SIPA1L3: variants seen among roughly 807,000 people sequenced by gnomAD.
SIPA1L3 encodes signal-induced proliferation-associated 1-like protein 3.
A neutral mutation model predicts 150.1 loss-of-function variants in SIPA1L3; 59 were observed. That is an observed-to-expected ratio of 0.39 (90% CI 0.32 to 0.49). The LOEUF is 0.49. Among genes scored for constraint, SIPA1L3 ranks in the 20% least tolerant of loss-of-function variants. The probability of loss-of-function intolerance (pLI) is 0.86; values close to 1 mark genes in which losing one functional copy is unlikely to be tolerated. For synonymous variants in SIPA1L3, 1,070 were observed against 1,077.6 expected, an observed-to-expected ratio of 0.99 and a Z score of 0.14; for missense variants, 2,211 against 2,489.5, an observed-to-expected ratio of 0.89 and a Z score of 2.38.
chr19:38,176,678 A>G (rs1972441313), intron 15 of SIPA1L3, among the ~76,000 whole-genome samples: 1 of 152,136 alleles, frequency 6.6e-6, no homozygotes, highest in Non-Finnish European at 1.5e-5. Flanking sequence ...GTTCTTTCAA[A>G]CATACCACTT....
Position 38,201,950 on chromosome 19 carries a change from G to A in SIPA1L3, c.5073G>A (p.Leu1691=). The stretch of plus-strand genomic sequence containing the variant: ...CACACAGTCCTGTCCACAGCCACCT[G>A]AGCCTGGAGAGGGGACCCCCGACCC... ...PPAHSPVHSH[L]SLERGPPTPR... The change falls in exon 20 of 22, where the codon CTG becomes CTA. Residue 1691 remains leucine, a synonymous_variant. Coordinates refer to ENST00000222345, the MANE Select transcript of SIPA1L3 (RefSeq NM_015073.3). 6.2e-7 allele frequency: 1 copy of A among 1,613,768 alleles called. No homozygotes were observed. Among genetic ancestry groups the A allele is most frequent in the Non-Finnish European group, 8.5e-7 (1 of 1,179,904 alleles).
chr19:37,961,530 CA>C (rs2046858255), intron 1 of SIPA1L3, among the ~76,000 whole-genome samples: 1 of 152,154 alleles, frequency 6.6e-6, no homozygotes, highest in South Asian at 2.1e-4. Context: ...TGTCTTTCAA[CA>C]ATTTGACTAT....
At chr19:37,971,575 T>C (rs1966938403) in intron 1 of SIPA1L3, among the ~76,000 whole-genome samples, 1 of 151,802 alleles carries the variant, frequency 6.6e-6, no homozygotes, top group African/African-American at 2.4e-5. Context: ...TTGGGGTTTT[T>C]TTTTTGCAGA....
intron 1 of SIPA1L3, among the ~76,000 whole-genome samples, chr19:37,981,497 T>C (rs1404227056): frequency 6.6e-6 from 1 of 152,076 alleles, no homozygotes; most frequent in East Asian, 1.9e-4. Flanking sequence ...CTTGTCCGTG[T>C]TGAGCAGGTT....
chr19:38,047,230 ACACG>A lies in SIPA1L3; in HGVS notation c.-311+18082_-311+18085del, dbSNP rs1297975898. Among the ~76,000 whole-genome samples, 2 of 152,002 alleles carry A rather than the reference ACACG, an allele frequency of 1.3e-5. No individual in the cohort carries two copies. The highest frequency in any genetic ancestry group is 4.8e-5 in the African/African-American group (2 of 41,350). ...CCAGCCTGTTCTCCCCCGCCGACACACACGCACGCACACACGCACGCACTCACAC... is the reference window on the plus strand; with the variant it reads ...CCAGCCTGTTCTCCCCCGCCGACACACACGCACACACGCACGCACTCACAC... On this transcript the variant is annotated intron_variant, in intron 2 of 21. Coordinates refer to ENST00000222345, the MANE Select transcript of SIPA1L3 (RefSeq NM_015073.3). The surrounding 1 kb of genome is among the most constrained non-coding windows in gnomAD (Gnocchi z 4.7).
chr19:37,977,172 AT>A (rs971521166), intron 1 of SIPA1L3, among the ~76,000 whole-genome samples: 1 of 151,376 alleles, frequency 6.6e-6, no homozygotes, highest in Non-Finnish European at 1.5e-5. Context: ...ATTAAAAAAA[AT>A]TTTTTTTATG....
intron 10 of SIPA1L3, among the ~76,000 whole-genome samples, chr19:38,137,756 G>A (rs1296380353): frequency 6.6e-6 from 1 of 152,126 alleles, no homozygotes; most frequent in African/African-American, 2.4e-5. Context: ...TGAGTTGTGT[G>A]AGTAGCTGGG....
At chr19:38,197,714 A>G (rs1972992773) in intron 18 of SIPA1L3, among the ~76,000 whole-genome samples, 2 of 151,406 alleles carry the variant, frequency 1.3e-5, no homozygotes, top group African/African-American at 2.4e-5. Context: ...TTTCACAGCC[A>G]TATCCAACCC....
intron 15 of SIPA1L3, among the ~76,000 whole-genome samples, chr19:38,168,785 G>A (rs1276637118): frequency 6.6e-6 from 1 of 152,218 alleles, no homozygotes; most frequent in Non-Finnish European, 1.5e-5. Context: ...CGCTGCAGAA[G>A]AGGGCCCTGC....
At chr19:38,152,133 A>G (rs887769149) in intron 12 of SIPA1L3, among the ~76,000 whole-genome samples, 1 of 152,086 alleles carries the variant, frequency 6.6e-6, no homozygotes, top group Non-Finnish European at 1.5e-5. Flanking sequence ...CCCCAACTCT[A>G]TGAGGTAGAA....
intron 1 of SIPA1L3, among the ~76,000 whole-genome samples, chr19:38,022,891 C>G (rs1968408949): frequency 1.3e-5 from 2 of 152,206 alleles, no homozygotes; most frequent in Non-Finnish European, 1.5e-5. Context: ...AAGTTTGTCA[C>G]TGAGGTTACC....
At chr19:37,984,522 A>C (rs1967295691) in intron 1 of SIPA1L3, among the ~76,000 whole-genome samples, 1 of 152,212 alleles carries the variant, frequency 6.6e-6, no homozygotes, top group African/African-American at 2.4e-5. Flanking sequence ...TTAAGGAAAG[A>C]GAGAAAACCT....
chr19:38,163,244 C>A (rs1972131978), intron 14 of SIPA1L3, among the ~76,000 whole-genome samples: 2 of 152,152 alleles, frequency 1.3e-5, no homozygotes, highest in Admixed American at 1.3e-4. Context: ...AATCCCAGTG[C>A]TTTAGGAGGC....
intron 3 of SIPA1L3, among the ~76,000 whole-genome samples, chr19:38,085,997 T>A (rs1405321964): frequency 6.6e-6 from 1 of 150,720 alleles, no homozygotes; most frequent in African/African-American, 2.5e-5. Context: ...CTCTGTCCCC[T>A]CAACCAAAAC....
At chr19:38,078,144 C>A (rs759512350) in intron 2 of SIPA1L3, among the ~76,000 whole-genome samples, 10 of 152,148 alleles carry the variant, frequency 6.6e-5, no homozygotes, top group Non-Finnish European at 1.3e-4. Context: ...CTCCCTTAGG[C>A]AACTCGACCC....
At chr19:38,125,734 A>G (rs1017615339) in intron 9 of SIPA1L3, among the ~76,000 whole-genome samples, 3 of 152,206 alleles carry the variant, frequency 2.0e-5, no homozygotes, top group African/African-American at 4.8e-5. Flanking sequence ...TGCCCCAGAC[A>G]TCCTGAACTA....
At chr19:37,964,801 A>G (rs780065025) in intron 1 of SIPA1L3, 29 of 152,218 alleles carry the variant, frequency 1.9e-4, no homozygotes, top group African/African-American at 4.3e-4. Context: ...CCCGGCCAGC[A>G]TTTAATAGTA....
chr19:38,203,556 G>C (rs1277493548), intron 20 of SIPA1L3: 2 of 152,646 alleles, frequency 1.3e-5, no homozygotes, highest in East Asian at 1.9e-4. Flanking sequence ...CCTAGCACCA[G>C]CACGTGGTAG....
intron 21 of SIPA1L3, 115 bp downstream of exon 21, chr19:38,204,323 C>A: frequency 1.3e-6 from 1 of 757,288 alleles, no homozygotes; most frequent in Non-Finnish European, 2.2e-6. Context: ...CCCACACCTC[C>A]TGTGTTTGAG....
Sources: gnomAD v4.1 joint callset for allele counts (sites outside exome capture counted in the v4.1 genomes callset) on GRCh38, gnomAD v4.1.1 for gene constraint, Gnocchi (gnomAD v3.1) non-coding constraint, MANE v1.5 for transcripts, NCBI Gene and HGNC (gene_info 2026-07-23, HGNC 2026-07-21) for gene names.